Variants in TMEM184A observed in about 807,000 individuals in gnomAD.
TMEM184A encodes the protein sexually dimorphic, expressed in male gonads 1.
TMEM184A carries 40 observed loss-of-function variants against 39.5 expected under a neutral mutation model. The ratio of observed to expected loss-of-function variants is 1.01; its 90% CI spans 0.79 to 1.32. The LOEUF (loss-of-function observed/expected upper bound fraction) is 1.32, where lower values mean the gene tolerates loss of function less well. TMEM184A is among the 40% of genes most tolerant of loss of function. TMEM184A has a pLI of 0.00. For synonymous variants in TMEM184A, 280 were observed against 252.3 expected, an observed-to-expected ratio of 1.11 and a Z score of -1.04; for missense variants, 603 against 568.8, an observed-to-expected ratio of 1.06 and a Z score of -0.61.
chr7:1,548,627 A>G lies in TMEM184A; in HGVS notation c.706T>C (p.Tyr236His). Residue 236 changes from tyrosine to histidine, a missense_variant, in exon 7 of 9, where the codon TAC (tyrosine) becomes CAC (histidine). Tyr to His is a moderately conservative substitution (Grantham distance 83). Transcript: ENST00000297477. ...IYNASVSLALYALFLFYFTTR... is the reference protein window; with the variant it reads ...IYNASVSLALHALFLFYFTTR... Reference sequence around the variant, plus strand: ...GTGAAGTAGAAGAGGAACAGGGCGTAGAGGGCGAGGCTGACGGAGGCGTTG... The same window carrying G: ...GTGAAGTAGAAGAGGAACAGGGCGTGGAGGGCGAGGCTGACGGAGGCGTTG... 6.2e-7 allele frequency: 1 copy of G among 1,613,960 alleles called. No homozygotes were observed. Among genetic ancestry groups the G allele is most frequent in the South Asian group, 1.1e-5 (1 of 91,082 alleles).
Position 1,555,108 on chromosome 7 carries a change from G to A in TMEM184A, c.219+158C>T, listed in dbSNP as rs571293082. On this transcript the variant is annotated intron_variant, in intron 2 of 8. Coordinates refer to ENST00000297477, the MANE Select transcript of TMEM184A (RefSeq NM_001097620.2). This position sits in a 1 kb window ranked among gnomAD's most constrained non-coding sequence, Gnocchi z 5.2. ...CCATTTTCAGGCCCAGCTCCCACATGCCACATCCTGGGGAAGCTCATCCCC... is the reference window on the plus strand; with the variant it reads ...CCATTTTCAGGCCCAGCTCCCACATACCACATCCTGGGGAAGCTCATCCCC... Among the ~76,000 whole-genome samples, 47 of 152,232 alleles carry A rather than the reference G, an allele frequency of 3.1e-4. No individual in the cohort carries two copies. Among genetic ancestry groups the A allele is most frequent in the African/African-American group, 1.1e-3 (47 of 41,542 alleles).
chr7:1,548,270 G>A lies in TMEM184A; in HGVS notation c.814+249C>T, dbSNP rs565719772. Among the ~76,000 whole-genome samples the A allele has an allele frequency of 6.0e-5, 5 of 83,880 alleles. No homozygotes were observed. In the South Asian group the frequency reaches 1.6e-3, roughly 27 times the overall value. The allele number at this position is 83,880 out of a possible 152,430, so 55.0% of individuals were successfully genotyped here. A position where few individuals can be genotyped will look rare whatever the true frequency, so the allele number is the denominator to read the frequency against. On this transcript the variant is annotated intron_variant, in intron 7 of 8. Transcript: ENST00000297477. Reference sequence around the variant, plus strand: ...GGGCCCAGTGGGGGCCAGGATTCAGGAAACACCTGGTGTGGCCTCTGTGCG... The same window carrying A: ...GGGCCCAGTGGGGGCCAGGATTCAGAAAACACCTGGTGTGGCCTCTGTGCG...
In TMEM184A at chr7:1,547,009, C is replaced by CCCGCCGGAGCCG. The variant is rs1491575354; in HGVS notation, c.1173_1184dup (p.Gly392_Gly395dup). ...TCTCCAGGCTCCGGCTCTTCCTGCT[C>CCCGCCGGAGCCG]CCGCCGGAGCCGCCGCTGGGGTGGG... On this transcript the variant is annotated inframe_insertion, in exon 9 of 9. Coordinates refer to ENST00000297477, the MANE Select transcript of TMEM184A (RefSeq NM_001097620.2). 1.3e-6 allele frequency: 2 copies of CCCGCCGGAGCCG among 1,556,278 alleles called. No individual in the cohort carries two copies. Among genetic ancestry groups the CCCGCCGGAGCCG allele is most frequent in the East Asian group, 4.7e-5 (2 of 42,606 alleles).
chr7:1,552,964 A>C (rs761742199), intron 2 of TMEM184A, among the ~76,000 whole-genome samples: 5 of 151,922 alleles, frequency 3.3e-5, no homozygotes, highest in Non-Finnish European at 5.9e-5. Context: ...CTGAGGTGGG[A>C]GGATGGCTTA....
intron 2 of TMEM184A, among the ~76,000 whole-genome samples, chr7:1,553,606 C>T (rs1315051610): frequency 6.6e-6 from 1 of 151,958 alleles, no homozygotes; most frequent in East Asian, 1.9e-4. Context: ...CTACGTGCAC[C>T]TGGCCGCTTG....
Position 1,555,834 on chromosome 7 carries a change from T to C in TMEM184A, c.-1+280A>G, listed in dbSNP as rs1188079957. On this transcript the variant is annotated intron_variant, in intron 1 of 8. Transcript: ENST00000297477. This position sits in a 1 kb window ranked among gnomAD's most constrained non-coding sequence, Gnocchi z 5.2. ...AGAAGAGGGGGAACCCCTGCCGCCC[T>C]GCCTGCCCGGGAGGGCTGGGGAGCG... The C allele has an allele frequency of 3.6e-5, 12 of 333,656 alleles. No individual in the cohort carries two copies. Among genetic ancestry groups the C allele is most frequent in the Non-Finnish European group, 5.6e-5 (10 of 178,572 alleles). The allele number at this position is 333,656 out of a possible 1,614,324, so 20.7% of individuals were successfully genotyped here.
In TMEM184A at chr7:1,546,489, G is replaced by C. The variant is rs865823661; in HGVS notation, c.*463C>G. ...ACCCCGCCGGCCTGCGGCGCCCGGA[G>C]CTGCTGACTGTGTCAGAGCCCGGCT... On this transcript the variant is annotated 3_prime_UTR_variant, in exon 9 of 9. Transcript: ENST00000297477. 1 of 156,422 alleles carries C rather than the reference G, an allele frequency of 6.4e-6. No homozygotes were observed. The highest frequency in any genetic ancestry group is 6.5e-5 in the Admixed American group (1 of 15,432). The allele number at this position is 156,422 out of a possible 1,614,324, so 9.7% of individuals were successfully genotyped here.
At chr7:1,549,553 C>A in intron 6 of TMEM184A, 1 of 530,910 alleles carries the variant, frequency 1.9e-6, no homozygotes, top group Non-Finnish European at 3.8e-6. Context: ...TCACCCCAGC[C>A]GTGTCCTGTG....
In TMEM184A at chr7:1,550,811, G is replaced by A. The variant is rs374137427; in HGVS notation, c.385+6C>T. ...CTCCCCCGACCTGACGCAGCCTGGC[G>A]CCCACCTTCGTAGCAGTCCCGCACA... On this transcript the variant is annotated splice_donor_region_variant and intron_variant, in intron 3 of 8. Transcript: ENST00000297477. 6.2e-6 allele frequency: 10 copies of A among 1,612,084 alleles called. No homozygotes were observed. Among genetic ancestry groups the A allele is most frequent in the Admixed American group, 3.3e-5 (2 of 59,976 alleles).
chr7:1,547,993 G>A (rs532399006), intron 7 of TMEM184A, 54 bp from the exon 8 acceptor site: 9 of 1,526,460 alleles, frequency 5.9e-6, no homozygotes, highest in South Asian at 1.2e-5. Flanking sequence ...TGCAGGGGAG[G>A]AAGAGGCCCC....
At chr7:1,549,831 T>TGTCC in intron 6 of TMEM184A, 23 bp downstream of exon 6, 2 of 1,569,232 alleles carry the variant, frequency 1.3e-6, no homozygotes, top group Non-Finnish European at 1.7e-6. Context: ...TCATGCCAGG[T>TGTCC]GTCCCCGCAG....
chr7:1,555,263 T>C lies in TMEM184A; in HGVS notation c.219+3A>G. The C allele has an allele frequency of 6.2e-7, 1 of 1,600,548 alleles. No individual in the cohort carries two copies. ...AAGGAGGCTCGGGGGCGGAAGGGCT[T>C]ACCTGGTGGCAGGTGAGCACCAGGG... On this transcript the variant is annotated splice_donor_region_variant and intron_variant, in intron 2 of 8. Coordinates refer to ENST00000297477, the MANE Select transcript of TMEM184A (RefSeq NM_001097620.2). This position sits in a 1 kb window ranked among gnomAD's most constrained non-coding sequence, Gnocchi z 5.2.
intron 2 of TMEM184A, among the ~76,000 whole-genome samples, chr7:1,553,746 C>T (rs1177278930): frequency 6.6e-6 from 1 of 152,146 alleles, no homozygotes; most frequent in African/African-American, 2.4e-5. Context: ...GCTGGCGCTG[C>T]CTGGCTGGGT....
At position 1,555,253 on chromosome 7, in the gene TMEM184A, C is replaced by A; in HGVS notation, c.219+13G>T. On this transcript the variant is annotated intron_variant, in intron 2 of 8. Transcript: ENST00000297477. The surrounding 1 kb of genome is among the most constrained non-coding windows in gnomAD (Gnocchi z 5.2). The stretch of plus-strand genomic sequence containing the variant: ...CAAGGTCCTGAAGGAGGCTCGGGGG[C>A]GGAAGGGCTTACCTGGTGGCAGGTG... The A allele has an allele frequency of 6.3e-7, 1 of 1,590,898 alleles. No individual in the cohort carries two copies. The highest frequency in any genetic ancestry group is 8.6e-7 in the Non-Finnish European group (1 of 1,169,312).
At position 1,542,643 on chromosome 7, in the gene TMEM184A, A is replaced by G. The variant is rs1050884751; in HGVS notation, c.*4309T>C. On this transcript the variant is annotated 3_prime_UTR_variant, in exon 9 of 9. Coordinates refer to ENST00000297477, the MANE Select transcript of TMEM184A (RefSeq NM_001097620.2). ...TTCTGCTTTTCTTTTCAGATTGTTG[A>G]AATTTCATTGTCATGATTTAATATA... The G allele has an allele frequency of 1.3e-5, 2 of 152,330 alleles. No homozygotes were observed. The highest frequency in any genetic ancestry group is 4.8e-5 in the African/African-American group (2 of 41,454). 9.4% of individuals were successfully genotyped at this position (152,330 alleles called of 1,614,324 possible).
At chr7:1,551,838 GA>G (rs1784613317) in intron 2 of TMEM184A, among the ~76,000 whole-genome samples, 2 of 152,080 alleles carry the variant, frequency 1.3e-5, no homozygotes, top group African/African-American at 4.8e-5. Context: ...TAGAGAGGCT[GA>G]GGCAGGAGAA....
intron 6 of TMEM184A, chr7:1,549,578 C>A (rs1468032932): frequency 1.1e-5 from 6 of 564,102 alleles, no homozygotes; most frequent in Non-Finnish European, 1.7e-5. Context: ...GAGGTCCAGG[C>A]CCCCGGCCTT....
At position 1,543,671 on chromosome 7, in the gene TMEM184A, CA is replaced by C. The variant is rs1388763025; in HGVS notation, c.*3280del. On this transcript the variant is annotated 3_prime_UTR_variant, in exon 9 of 9. Coordinates refer to ENST00000297477, the MANE Select transcript of TMEM184A (RefSeq NM_001097620.2). ...TGAGACAGTATCTTGCTTTGTCACC[CA>C]AGCTGGAGTGCAGGGGCGTGATCAC... 4 of 152,516 alleles carry C rather than the reference CA, an allele frequency of 2.6e-5. No homozygotes were observed. The highest frequency in any genetic ancestry group is 2.0e-4 in the Admixed American group (3 of 15,284). The allele number at this position is 152,516 out of a possible 1,614,324, so 9.4% of individuals were successfully genotyped here.
intron 6 of TMEM184A, chr7:1,549,626 C>T (rs1295218099): frequency 1.5e-6 from 1 of 648,330 alleles, no homozygotes; most frequent in Non-Finnish European, 2.9e-6. Flanking sequence ...GAAGTGGGTA[C>T]CTGTCTTGGG....
Sources: gnomAD v4.1 joint callset for allele counts (sites outside exome capture counted in the v4.1 genomes callset) on GRCh38, gnomAD v4.1.1 for gene constraint, Gnocchi (gnomAD v3.1) non-coding constraint, MANE v1.5 for transcripts, NCBI Gene and HGNC (gene_info 2026-07-23, HGNC 2026-07-21) for gene names.